RORA: variants seen among roughly 807,000 people sequenced by gnomAD.
RORA encodes nuclear receptor ROR-alpha.
In RORA, 7 loss-of-function variants were observed where a neutral mutation model predicts 69.5. The ratio of observed to expected loss-of-function variants is 0.10; its 90% CI spans 0.06 to 0.19. The LOEUF is 0.19. Ranked by LOEUF, RORA falls within the 10% of genes least tolerant of loss-of-function variation. The probability of loss-of-function intolerance (pLI) is 1.00; values close to 1 mark genes in which losing one functional copy is unlikely to be tolerated. For synonymous variants in RORA, 261 were observed against 240.8 expected (o/e 1.08, Z -0.78); for missense variants, 457 against 663.0 (o/e 0.69, Z 3.41).
chr15:60,609,830 A>G lies in RORA; in HGVS notation c.196+68827T>C, dbSNP rs532765117. Among the ~76,000 whole-genome samples the G allele has an allele frequency of 5.9e-5, 9 of 152,328 alleles. No individual in the cohort carries two copies. In the South Asian group the frequency reaches 1.7e-3, roughly 28 times the overall value. ...AGTGAGGGAATGGCCTCTTCTTCAG[A>G]AGGCTGAATGGCTGGACTCTGTCGA... On this transcript the variant is annotated intron_variant, in intron 2 of 10. Coordinates refer to ENST00000335670, the MANE Select transcript of RORA (RefSeq NM_134261.3).
intron 2 of RORA, among the ~76,000 whole-genome samples, chr15:60,562,381 A>G (rs2067588926): frequency 6.7e-6 from 1 of 149,734 alleles, no homozygotes; most frequent in Non-Finnish European, 1.5e-5. Context: ...GATGACAGGC[A>G]TGTGCCAATA....
chr15:60,668,659 C>T (rs570923371), intron 2 of RORA, among the ~76,000 whole-genome samples: 3 of 152,208 alleles, frequency 2.0e-5, no homozygotes, highest in Non-Finnish European at 2.9e-5. Context: ...TCAATTATCC[C>T]GACGCCCCAA....
chr15:60,908,369 T>C (rs1301614642), intron 1 of RORA, among the ~76,000 whole-genome samples: 1 of 152,132 alleles, frequency 6.6e-6, no homozygotes, highest in Non-Finnish European at 1.5e-5. Context: ...GGAATGCAAA[T>C]ATCCAAGGCT....
intron 1 of RORA, among the ~76,000 whole-genome samples, chr15:61,140,862 G>T (rs1238173984): frequency 2.0e-5 from 3 of 152,050 alleles, no homozygotes; most frequent in African/African-American, 7.2e-5. Flanking sequence ...CGTGTGAGCT[G>T]CCAGCACAAA....
chr15:61,068,483 G>T (rs780590249), intron 1 of RORA, among the ~76,000 whole-genome samples: 5 of 152,154 alleles, frequency 3.3e-5, no homozygotes, highest in Non-Finnish European at 5.9e-5. Flanking sequence ...TATGTCAATT[G>T]CATTTATTTG....
At chr15:60,813,019 A>G (rs538139089) in intron 1 of RORA, among the ~76,000 whole-genome samples, 1 of 152,306 alleles carries the variant, frequency 6.6e-6, no homozygotes, top group Non-Finnish European at 1.5e-5. Context: ...TTACAGAAAA[A>G]GCTTTATTTC....
At chr15:61,053,832 A>T (rs2078048765) in intron 1 of RORA, among the ~76,000 whole-genome samples, 1 of 52,472 alleles carries the variant, frequency 1.9e-5, no homozygotes, top group Admixed American at 2.2e-4. Flanking sequence ...CAGCATGAAG[A>T]GTGTTTAGAC....
At chr15:61,150,874 T>C (rs1049312013) in intron 1 of RORA, among the ~76,000 whole-genome samples, 7 of 152,242 alleles carry the variant, frequency 4.6e-5, no homozygotes, top group Non-Finnish European at 1.0e-4. Context: ...CATTACATTG[T>C]GTCAGCTGCC....
chr15:60,562,668 G>A (rs576823587), intron 2 of RORA, among the ~76,000 whole-genome samples: 4 of 149,514 alleles, frequency 2.7e-5, no homozygotes, highest in South Asian at 2.1e-4. Context: ...GGATGGTCTC[G>A]ATCTCCTGAC....
At chr15:60,505,448 A>T in intron 6 of RORA, 60 bp downstream of exon 6, 1 of 1,578,914 alleles carries the variant, frequency 6.3e-7, no homozygotes, top group Non-Finnish European at 8.7e-7. Context: ...CAACTTTCCT[A>T]TACCAACACC....
intron 1 of RORA, among the ~76,000 whole-genome samples, chr15:60,913,840 C>T (rs1290251174): frequency 6.6e-6 from 1 of 152,192 alleles, no homozygotes; most frequent in East Asian, 1.9e-4. Flanking sequence ...ATGCATGCTG[C>T]TTTGTCTTTT....
intron 2 of RORA, among the ~76,000 whole-genome samples, chr15:60,645,818 A>G (rs2070032214): frequency 1.4e-5 from 2 of 147,792 alleles, no homozygotes. Context: ...TTTTTAAAAA[A>G]TTAAGGGGCT....
At chr15:61,006,409 G>A (rs1477529989) in intron 1 of RORA, among the ~76,000 whole-genome samples, 1 of 152,040 alleles carries the variant, frequency 6.6e-6, no homozygotes, top group Non-Finnish European at 1.5e-5. Context: ...CTGACTCGTT[G>A]GAACTCAGAA....
In RORA at chr15:60,491,859, G is replaced by C. The variant is rs538006382; in HGVS notation, c.*5596C>G. 1 of 152,074 alleles carries C rather than the reference G, an allele frequency of 6.6e-6. No individual in the cohort carries two copies. Among genetic ancestry groups the C allele is most frequent in the Non-Finnish European group, 1.5e-5 (1 of 67,974 alleles). The allele number at this position is 152,074 out of a possible 1,614,324, so 9.4% of individuals were successfully genotyped here. On this transcript the variant is annotated 3_prime_UTR_variant, in exon 11 of 11. Coordinates refer to ENST00000335670, the MANE Select transcript of RORA (RefSeq NM_134261.3). ...ACCTCTTTACTAACATTATGTTTAG[G>C]GATAGAATGAAGACCTGTATCATAG...
chr15:60,881,936 T>C (rs1485707495), intron 1 of RORA, among the ~76,000 whole-genome samples: 1 of 152,210 alleles, frequency 6.6e-6, no homozygotes, highest in Non-Finnish European at 1.5e-5. Flanking sequence ...ACAATATAAC[T>C]ACTCCAAAAG....
At chr15:60,712,705 G>A (rs1283303682) in intron 1 of RORA, among the ~76,000 whole-genome samples, 1 of 152,188 alleles carries the variant, frequency 6.6e-6, no homozygotes, top group Non-Finnish European at 1.5e-5. Context: ...ACTCAACACA[G>A]TCCTACTGCT....
chr15:60,543,619 C>T (rs1253993684), intron 2 of RORA, among the ~76,000 whole-genome samples: 2 of 152,100 alleles, frequency 1.3e-5, no homozygotes, highest in African/African-American at 4.8e-5. Flanking sequence ...GCTGGGACTA[C>T]AGGCACACAC....
intron 2 of RORA, among the ~76,000 whole-genome samples, chr15:60,638,785 G>A (rs973517283): frequency 6.6e-6 from 1 of 152,132 alleles, no homozygotes; most frequent in South Asian, 2.1e-4. Context: ...AAAAAGCAGA[G>A]GGCTATAAGT....
At chr15:60,900,068 T>A (rs1443173966) in intron 1 of RORA, among the ~76,000 whole-genome samples, 1 of 152,248 alleles carries the variant, frequency 6.6e-6, no homozygotes, top group Admixed American at 6.5e-5. Flanking sequence ...GTTGCTTTAA[T>A]TGCTGTGGGT....
Sources: gnomAD v4.1 joint callset for allele counts (sites outside exome capture counted in the v4.1 genomes callset) on GRCh38, gnomAD v4.1.1 for gene constraint, MANE v1.5 for transcripts, NCBI Gene and HGNC (gene_info 2026-07-23, HGNC 2026-07-21) for gene names.